FARS2: variants seen among roughly 807,000 people sequenced by gnomAD.
FARS2 encodes phenylalanyl-tRNA synthetase 2, mitochondrial.
In FARS2, 40 loss-of-function variants were observed where a neutral mutation model predicts 46.4. That is an observed-to-expected ratio of 0.86 (90% CI 0.67 to 1.12). FARS2 has a LOEUF of 1.12. FARS2 is among the 50% of genes most tolerant of loss of function. The probability of loss-of-function intolerance (pLI) is 0.00; values close to 1 mark genes in which losing one functional copy is unlikely to be tolerated. For synonymous variants in FARS2, 234 were observed against 214.9 expected (o/e 1.09, Z -0.78); for missense variants, 513 against 567.9 (o/e 0.90, Z 0.98).
At chr6:5,491,897 T>C (rs1561659723) in intron 4 of FARS2, among the ~76,000 whole-genome samples, 1 of 148,274 alleles carries the variant, frequency 6.7e-6, no homozygotes, top group Non-Finnish European at 1.5e-5. Flanking sequence ...TACCTCACGG[T>C]GCTATTGTAA....
At chr6:5,362,077 A>C (rs1318173976) in intron 1 of FARS2, among the ~76,000 whole-genome samples, 1 of 152,180 alleles carries the variant, frequency 6.6e-6, no homozygotes, top group African/African-American at 2.4e-5. Context: ...ACCATGTAAC[A>C]GATGCTTCAG....
intron 5 of FARS2, among the ~76,000 whole-genome samples, chr6:5,597,613 A>G (rs9392085): frequency 0.82 from 125,201 of 151,836 alleles, 51,759 homozygotes; most frequent in African/African-American, 0.88. Flanking sequence ...CATTGCAGGG[A>G]CCCGCTGTGA....
intron 4 of FARS2, among the ~76,000 whole-genome samples, chr6:5,439,905 C>T (rs1237179275): frequency 6.6e-6 from 1 of 152,100 alleles, no homozygotes; most frequent in Non-Finnish European, 1.5e-5. Context: ...AGTCTTGCCC[C>T]TTTTAGTGCC....
chr6:5,264,733 GAT>G (rs1159314115), intron 1 of FARS2, among the ~76,000 whole-genome samples: 3 of 151,950 alleles, frequency 2.0e-5, no homozygotes, highest in Non-Finnish European at 1.5e-5. Flanking sequence ...TATATAAGAT[GAT>G]ATAGTCACAG....
chr6:5,393,261 CCA>C (rs36061224), intron 2 of FARS2, among the ~76,000 whole-genome samples: 33,072 of 151,818 alleles, frequency 0.22, 3,805 homozygotes, highest in Middle Eastern at 0.27. Context: ...AAAGATACTC[CCA>C]CAGATTTGGA....
At chr6:5,701,669 A>G (rs893452781) in intron 6 of FARS2, among the ~76,000 whole-genome samples, 1 of 152,214 alleles carries the variant, frequency 6.6e-6, no homozygotes, top group Non-Finnish European at 1.5e-5. Context: ...CTTCATCCCT[A>G]AACGAACAGT....
upstream of FARS2, chr6:5,261,155 C>T (rs375846727): frequency 3.1e-3 from 514 of 166,280 alleles, 5 homozygotes; most frequent in African/African-American, 0.011. Flanking sequence ...AGTTGCATCA[C>T]GGAGAGCCTT....
At chr6:5,521,789 A>G (rs1246415696) in intron 4 of FARS2, among the ~76,000 whole-genome samples, 1 of 152,144 alleles carries the variant, frequency 6.6e-6, no homozygotes, top group East Asian at 1.9e-4. Context: ...TTCTTTTTTC[A>G]TGTTTTAACC....
intron 3 of FARS2, among the ~76,000 whole-genome samples, chr6:5,427,441 A>T (rs1272299128): frequency 6.6e-6 from 1 of 152,248 alleles, no homozygotes; most frequent in Non-Finnish European, 1.5e-5. Context: ...AGAAGTCCTT[A>T]AAGTAGCAGA....
intron 6 of FARS2, among the ~76,000 whole-genome samples, chr6:5,620,301 A>G (rs1775702445): frequency 2.0e-5 from 3 of 152,222 alleles, no homozygotes; most frequent in Admixed American, 6.5e-5. Context: ...AACCACTGGG[A>G]TTTTCTTTAA....
intron 3 of FARS2, among the ~76,000 whole-genome samples, chr6:5,414,370 C>T (rs1248197238): frequency 1.3e-5 from 2 of 152,192 alleles, no homozygotes; most frequent in Non-Finnish European, 2.9e-5. Context: ...CACCCCAAAA[C>T]GTTTCCTTGT....
At chr6:5,344,286 C>T (rs1757084160) in intron 1 of FARS2, among the ~76,000 whole-genome samples, 1 of 152,150 alleles carries the variant, frequency 6.6e-6, no homozygotes, top group Non-Finnish European at 1.5e-5. Context: ...TTCCTGGAGA[C>T]GGAGGCACAC....
chr6:5,555,900 C>T lies in FARS2; in HGVS notation c.1065+10560C>T, dbSNP rs147875283. 6.4e-3 allele frequency among the ~76,000 whole-genome samples: 979 copies of T among 152,026 alleles called. 3 individuals are homozygous for T. Among genetic ancestry groups the T allele is most frequent in the Admixed American group, 0.01 (153 of 15,282 alleles). On this transcript the variant is annotated intron_variant, in intron 5 of 6. Transcript: ENST00000274680. Reference sequence around the variant, plus strand: ...TAAAAATAAGGAGAGGTGCAGTGACCGAGACTATAGACAAGTTTGTATTGG... The same window carrying T: ...TAAAAATAAGGAGAGGTGCAGTGACTGAGACTATAGACAAGTTTGTATTGG...
At position 5,261,544 on chromosome 6, in the gene FARS2, A is replaced by T. The variant is rs563338386; in HGVS notation, c.-138A>T. ...GCTTTCTGTCAAAATGGCAGCGCCC[A>T]GCGTGCGCGGGTATCTCTGAAGTTG... On this transcript the variant is annotated 5_prime_UTR_variant, in exon 1 of 7. Coordinates refer to ENST00000274680, the MANE Select transcript of FARS2 (RefSeq NM_006567.5). 6.6e-6 allele frequency: 1 copy of T among 152,542 alleles called. No homozygotes were observed. The highest frequency in any genetic ancestry group is 1.9e-4 in the East Asian group (1 of 5,174). 9.4% of individuals were successfully genotyped at this position (152,542 alleles called of 1,614,324 possible).
intron 4 of FARS2, among the ~76,000 whole-genome samples, chr6:5,503,405 C>G (rs6914418): frequency 3.7e-3 from 145 of 39,610 alleles, no homozygotes; most frequent in Admixed American, 5.7e-3. Flanking sequence ...CACACACACA[C>G]AGAGAGAGAG....
chr6:5,251,950 T>C, the FARS2 span, among the ~76,000 whole-genome samples: 1 of 152,222 alleles, frequency 6.6e-6, no homozygotes, highest in African/African-American at 2.4e-5. Context: ...AGAGTTCCAA[T>C]GGCTCAAAAA....
intron 6 of FARS2, among the ~76,000 whole-genome samples, chr6:5,753,951 T>C (rs776242611): frequency 5.9e-5 from 9 of 152,210 alleles, no homozygotes; most frequent in Non-Finnish European, 1.2e-4. Flanking sequence ...GGCACCGAAA[T>C]TTTAGTTAAC....
intron 5 of FARS2, among the ~76,000 whole-genome samples, chr6:5,548,873 C>T (rs140490684): frequency 1.4e-3 from 207 of 152,222 alleles, no homozygotes; most frequent in Admixed American, 4.1e-3. Context: ...GAACTTCTAA[C>T]GGGGCAATTA....
intron 4 of FARS2, among the ~76,000 whole-genome samples, chr6:5,465,767 C>A (rs1282487788): frequency 6.6e-6 from 1 of 151,644 alleles, no homozygotes; most frequent in African/African-American, 2.4e-5. Context: ...AAAGTCCATT[C>A]ATTGGAAGTT....
Sources: gnomAD v4.1 joint callset for allele counts (sites outside exome capture counted in the v4.1 genomes callset) on GRCh38, gnomAD v4.1.1 for gene constraint, MANE v1.5 for transcripts, NCBI Gene and HGNC (gene_info 2026-07-23, HGNC 2026-07-21) for gene names.